The following TMEM132D variants were observed in gnomAD, a reference collection of about 807,000 sequenced individuals.
TMEM132D encodes transmembrane protein 132D, also known as mature OL transmembrane protein.
TMEM132D carries 21 observed loss-of-function variants against 62.3 expected under a neutral mutation model. That is an observed-to-expected ratio of 0.34 (90% CI 0.24 to 0.49). TMEM132D has a LOEUF of 0.49. TMEM132D is among the 20% of genes least tolerant of loss of function. The pLI is 0.99. For synonymous variants in TMEM132D, 621 were observed against 575.6 expected (o/e 1.08, Z -1.13); for missense variants, 1,346 against 1,402.8 (o/e 0.96, Z 0.65).
chr12:129,120,308 C>T (rs1234807954), intron 5 of TMEM132D, among the ~76,000 whole-genome samples: 1 of 152,190 alleles, frequency 6.6e-6, no homozygotes, highest in African/African-American at 2.4e-5. Context: ...TGAGAAGGAA[C>T]AGGATGCTTG....
intron 4 of TMEM132D, among the ~76,000 whole-genome samples, chr12:129,327,263 C>T (rs1396047538): frequency 1.3e-5 from 2 of 152,144 alleles, no homozygotes; most frequent in African/African-American, 4.8e-5. Context: ...CCCAGGGGCA[C>T]ACAGCAGGGT....
chr12:129,714,813 C>T (rs919226700), intron 1 of TMEM132D, among the ~76,000 whole-genome samples: 11 of 152,260 alleles, frequency 7.2e-5, no homozygotes, highest in African/African-American at 1.9e-4. Flanking sequence ...GTCTCACGGT[C>T]GGAAGCCCAC....
intron 5 of TMEM132D, among the ~76,000 whole-genome samples, chr12:129,153,119 C>A (rs1877125738): frequency 6.6e-6 from 1 of 152,222 alleles, no homozygotes; most frequent in East Asian, 1.9e-4. Flanking sequence ...CCCATCAACA[C>A]TGGCTCACAT....
chr12:129,118,686 A>T (rs1875967747), intron 5 of TMEM132D, among the ~76,000 whole-genome samples: 1 of 152,198 alleles, frequency 6.6e-6, no homozygotes, highest in Non-Finnish European at 1.5e-5. Context: ...CTTTAGTGAA[A>T]TGCCCTTAGA....
At chr12:129,461,841 T>G (rs1000786258) in intron 3 of TMEM132D, among the ~76,000 whole-genome samples, 1 of 152,146 alleles carries the variant, frequency 6.6e-6, no homozygotes, top group Non-Finnish European at 1.5e-5. Flanking sequence ...AATAGCCATA[T>G]GGGTACACAC....
chr12:129,239,405 C>A (rs1433713673), intron 4 of TMEM132D, among the ~76,000 whole-genome samples: 1 of 152,000 alleles, frequency 6.6e-6, no homozygotes, highest in Non-Finnish European at 1.5e-5. Context: ...AGGTAAGGGC[C>A]CAACTTCATT....
At chr12:129,184,227 G>A (rs1878156789) in intron 5 of TMEM132D, among the ~76,000 whole-genome samples, 1 of 152,148 alleles carries the variant, frequency 6.6e-6, no homozygotes, top group Admixed American at 6.5e-5. Flanking sequence ...TGCAGGCGGA[G>A]GGGCATGGGG....
At chr12:129,368,543 T>C (rs1053642314) in intron 3 of TMEM132D, among the ~76,000 whole-genome samples, 1 of 152,224 alleles carries the variant, frequency 6.6e-6, no homozygotes, top group Non-Finnish European at 1.5e-5. Flanking sequence ...CCTTCCCTTC[T>C]TCATTCCTCT....
intron 3 of TMEM132D, among the ~76,000 whole-genome samples, chr12:129,483,972 T>G (rs758818415): frequency 6.6e-6 from 1 of 152,142 alleles, no homozygotes; most frequent in African/African-American, 2.4e-5. Flanking sequence ...TTCAGTTACT[T>G]ATTTCTCTTT....
chr12:129,685,734 A>G (rs1344637262), intron 2 of TMEM132D, among the ~76,000 whole-genome samples: 1 of 152,194 alleles, frequency 6.6e-6, no homozygotes, highest in Non-Finnish European at 1.5e-5. Context: ...TGCAGACACA[A>G]TGCCAGCCCA....
Position 129,699,789 on chromosome 12 carries a change from A to G in TMEM132D, c.968+21T>C, listed in dbSNP as rs759178657. On this transcript the variant is annotated intron_variant, in intron 2 of 8. Coordinates refer to ENST00000422113, the MANE Select transcript of TMEM132D (RefSeq NM_133448.3). Reference sequence around the variant, plus strand: ...ACCTGATCGACGGGCGGGTACAGACAGACATTGGGAAACGACTTACCTCAA... The same window carrying G: ...ACCTGATCGACGGGCGGGTACAGACGGACATTGGGAAACGACTTACCTCAA... The G allele has an allele frequency of 6.2e-6, 10 of 1,610,686 alleles. No individual in the cohort carries two copies. The East Asian group carries it at 2.2e-4, about 36-fold the overall frequency.
At chr12:129,474,340 A>G (rs1327874104) in intron 3 of TMEM132D, among the ~76,000 whole-genome samples, 2 of 152,222 alleles carry the variant, frequency 1.3e-5, no homozygotes, top group Non-Finnish European at 1.5e-5. Context: ...TAAGTACTTT[A>G]TTACAATTAA....
intron 1 of TMEM132D, chr12:129,840,644 G>A (rs1053155105): frequency 1.3e-5 from 2 of 152,156 alleles, no homozygotes; most frequent in Non-Finnish European, 2.9e-5. Flanking sequence ...CCTGCCCTCA[G>A]GCCTTCCTCC....
intron 2 of TMEM132D, among the ~76,000 whole-genome samples, chr12:129,562,908 A>G (rs920024242): frequency 1.3e-5 from 2 of 152,226 alleles, no homozygotes; most frequent in African/African-American, 4.8e-5. Flanking sequence ...AAATCAGATA[A>G]GCATCCCCTG....
chr12:129,774,036 G>A (rs1187919713), intron 1 of TMEM132D, among the ~76,000 whole-genome samples: 2 of 152,140 alleles, frequency 1.3e-5, no homozygotes, highest in Non-Finnish European at 2.9e-5. Flanking sequence ...TGGTGGTTGT[G>A]GAAACCATGG....
chr12:129,509,837 T>C (rs1241647715), intron 3 of TMEM132D, among the ~76,000 whole-genome samples: 1 of 152,222 alleles, frequency 6.6e-6, no homozygotes, highest in Non-Finnish European at 1.5e-5. Context: ...CTCCGTTGTA[T>C]ATATGTACCT....
chr12:129,093,134 T>C (rs1362782934), intron 5 of TMEM132D, among the ~76,000 whole-genome samples: 1 of 152,238 alleles, frequency 6.6e-6, no homozygotes, highest in Non-Finnish European at 1.5e-5. Flanking sequence ...TGGAAGAGGA[T>C]GTGCAGGGAC....
intron 2 of TMEM132D, among the ~76,000 whole-genome samples, chr12:129,547,567 C>T (rs11060426): frequency 0.5 from 75,442 of 152,092 alleles, 20,544 homozygotes; most frequent in South Asian, 0.64. Context: ...GTCATTTCAG[C>T]GGGTTCTCTG....
At chr12:129,469,158 C>T (rs147553702) in intron 3 of TMEM132D, among the ~76,000 whole-genome samples, 2 of 152,334 alleles carry the variant, frequency 1.3e-5, no homozygotes, top group African/African-American at 2.4e-5. Flanking sequence ...TCTCTACTAC[C>T]TGCTCAATAA....
Sources: gnomAD v4.1 joint callset for allele counts (sites outside exome capture counted in the v4.1 genomes callset) on GRCh38, gnomAD v4.1.1 for gene constraint, MANE v1.5 for transcripts, NCBI Gene and HGNC (gene_info 2026-07-23, HGNC 2026-07-21) for gene names.